Variants in CNTNAP2 observed in about 807,000 individuals in gnomAD.
The protein encoded by CNTNAP2 is contactin-associated protein-like 2.
Under a neutral mutation model 155.2 loss-of-function variants are expected in CNTNAP2, and 98 were observed. The ratio of observed to expected loss-of-function variants is 0.63; its 90% CI spans 0.54 to 0.75. The LOEUF is 0.75. CNTNAP2 is among the 30% of genes least tolerant of loss of function. The pLI is 0.00. For missense variants in CNTNAP2, 1,727 were observed against 1,688.1 expected, an observed-to-expected ratio of 1.02 and a Z score of -0.40; for synonymous variants, 651 against 631.2, an observed-to-expected ratio of 1.03 and a Z score of -0.47.
intron 11 of CNTNAP2, among the ~76,000 whole-genome samples, chr7:147,523,126 G>A (rs572648142): frequency 2.0e-5 from 3 of 152,150 alleles, no homozygotes; most frequent in Admixed American, 6.5e-5. Flanking sequence ...AGTGAGGGCC[G>A]CACTGATCAT....
At chr7:148,015,778 G>A (rs1350360649) in intron 15 of CNTNAP2, among the ~76,000 whole-genome samples, 1 of 152,078 alleles carries the variant, frequency 6.6e-6, no homozygotes, top group East Asian at 1.9e-4. Context: ...TTTGTTTCAG[G>A]ATTTTTCAAT....
chr7:146,439,606 G>A (rs1466719183), intron 1 of CNTNAP2, among the ~76,000 whole-genome samples: 1 of 151,452 alleles, frequency 6.6e-6, no homozygotes, highest in Admixed American at 6.6e-5. Context: ...AATGCCATCT[G>A]CATCTACTTC....
intron 1 of CNTNAP2, among the ~76,000 whole-genome samples, chr7:146,451,583 A>AT (rs1796481202): frequency 6.6e-6 from 1 of 151,906 alleles, no homozygotes; most frequent in Admixed American, 6.6e-5. Context: ...ATTCTTAATC[A>AT]TTTTTTAACA....
intron 11 of CNTNAP2, among the ~76,000 whole-genome samples, chr7:147,508,273 C>T (rs1798950474): frequency 6.6e-6 from 1 of 152,126 alleles, no homozygotes; most frequent in South Asian, 2.1e-4. Context: ...CCCCTGTCCC[C>T]CATTCCAACC....
At chr7:147,807,669 G>C (rs1798112729) in intron 13 of CNTNAP2, among the ~76,000 whole-genome samples, 1 of 152,052 alleles carries the variant, frequency 6.6e-6, no homozygotes, top group African/African-American at 2.4e-5. Flanking sequence ...AAAGTTATTG[G>C]TCTCTGTGCA....
intron 17 of CNTNAP2, among the ~76,000 whole-genome samples, chr7:148,158,615 G>A (rs1370207956): frequency 6.6e-6 from 1 of 152,098 alleles, no homozygotes; most frequent in Non-Finnish European, 1.5e-5. Flanking sequence ...AAGATAATCT[G>A]TTAACTATAT....
chr7:147,083,917 A>G lies in CNTNAP2; in HGVS notation c.551-24230A>G, dbSNP rs1477533859. Among the ~76,000 whole-genome samples, 6 of 139,820 alleles carry G rather than the reference A, an allele frequency of 4.3e-5. No individual in the cohort carries two copies. The East Asian group carries it at 8.4e-4, about 20-fold the overall frequency. 91.7% of individuals were successfully genotyped at this position (139,820 alleles called of 152,430 possible). On this transcript the variant is annotated intron_variant, in intron 4 of 23. Coordinates refer to ENST00000361727, the MANE Select transcript of CNTNAP2 (RefSeq NM_014141.6). ...GTATGTATATATTATATGCATATAT[A>G]CATATACACATGTATGTATATATTA...
intron 1 of CNTNAP2, among the ~76,000 whole-genome samples, chr7:146,361,769 C>T (rs1428913345): frequency 6.6e-6 from 1 of 150,678 alleles, no homozygotes; most frequent in African/African-American, 2.4e-5. Context: ...CACGATTAGC[C>T]TATTGAAGAC....
chr7:147,594,852 T>C (rs1414109505), intron 12 of CNTNAP2, among the ~76,000 whole-genome samples: 1 of 152,098 alleles, frequency 6.6e-6, no homozygotes, highest in Non-Finnish European at 1.5e-5. Flanking sequence ...AAAACAAAGT[T>C]CTTATCACAT....
intron 1 of CNTNAP2, among the ~76,000 whole-genome samples, chr7:146,416,613 A>G (rs1001925745): frequency 1.3e-5 from 2 of 152,108 alleles, no homozygotes; most frequent in Non-Finnish European, 2.9e-5. Context: ...TATCTAAAGA[A>G]AGACCTTTCT....
intron 21 of CNTNAP2, among the ~76,000 whole-genome samples, chr7:148,359,797 C>T (rs1798582686): frequency 6.6e-6 from 1 of 152,124 alleles, no homozygotes; most frequent in Non-Finnish European, 1.5e-5. Flanking sequence ...TTTCTCACTG[C>T]CCTGGGATAC....
At chr7:147,712,703 T>C (rs1584914620) in intron 13 of CNTNAP2, among the ~76,000 whole-genome samples, 1 of 151,948 alleles carries the variant, frequency 6.6e-6, no homozygotes, top group African/African-American at 2.4e-5. Context: ...ATAAGAACAC[T>C]TGGACACAGG....
intron 9 of CNTNAP2, among the ~76,000 whole-genome samples, chr7:147,353,053 G>T (rs552831669): frequency 3.3e-5 from 5 of 150,138 alleles, no homozygotes; most frequent in South Asian, 2.1e-4. Flanking sequence ...ATTATAAACC[G>T]CAACTCTGTT....
intron 14 of CNTNAP2, among the ~76,000 whole-genome samples, chr7:147,960,016 G>A (rs998629296): frequency 6.6e-6 from 1 of 152,018 alleles, no homozygotes; most frequent in Non-Finnish European, 1.5e-5. Context: ...TCAGCACCTC[G>A]ACTCTCTCCT....
At chr7:147,849,205 C>G (rs1275580164) in intron 13 of CNTNAP2, among the ~76,000 whole-genome samples, 1 of 152,156 alleles carries the variant, frequency 6.6e-6, no homozygotes, top group South Asian at 2.1e-4. Flanking sequence ...TTATGACAAT[C>G]TGCACAGATG....
intron 15 of CNTNAP2, among the ~76,000 whole-genome samples, chr7:148,009,655 G>A (rs1802040543): frequency 1.3e-5 from 2 of 152,006 alleles, no homozygotes; most frequent in Non-Finnish European, 2.9e-5. Context: ...TGTGTGCTCT[G>A]TATGTTTTGC....
At chr7:146,956,438 C>A (rs1307058377) in intron 3 of CNTNAP2, among the ~76,000 whole-genome samples, 1 of 152,122 alleles carries the variant, frequency 6.6e-6, no homozygotes, top group African/African-American at 2.4e-5. Context: ...TCCTGTAGGT[C>A]TACCTTAGAA....
At chr7:147,176,917 T>A (rs1563104020) in intron 8 of CNTNAP2, among the ~76,000 whole-genome samples, 2 of 122,106 alleles carry the variant, frequency 1.6e-5, no homozygotes, top group Admixed American at 8.5e-5. Context: ...ATATATAATT[T>A]TAATAATATA....
intron 1 of CNTNAP2, among the ~76,000 whole-genome samples, chr7:146,706,225 T>C (rs927574696): frequency 6.6e-5 from 10 of 152,162 alleles, no homozygotes; most frequent in African/African-American, 2.4e-4. Context: ...TCTCTACCAT[T>C]GTGTTTCGTG....
Sources: gnomAD v4.1 joint callset for allele counts (sites outside exome capture counted in the v4.1 genomes callset) on GRCh38, gnomAD v4.1.1 for gene constraint, MANE v1.5 for transcripts, NCBI Gene and HGNC (gene_info 2026-07-23, HGNC 2026-07-21) for gene names.